Variants in PSD4 observed in about 807,000 individuals in gnomAD.
PSD4 encodes the protein pleckstrin and Sec7 domain containing 4, also known as PH and SEC7 domain-containing protein 4.
A neutral mutation model predicts 112.5 loss-of-function variants in PSD4; 59 were observed. That is an observed-to-expected ratio of 0.52 (90% confidence interval 0.43 to 0.65). The LOEUF (loss-of-function observed/expected upper bound fraction) is 0.65, where lower values mean the gene tolerates loss of function less well. Among genes scored for constraint, PSD4 ranks in the 30% least tolerant of loss-of-function variants. The pLI, the probability that PSD4 is intolerant of heterozygous loss-of-function variation, is 0.00. For missense variants in PSD4, 1,267 were observed against 1,352.6 expected (o/e 0.94, Z 0.99); for synonymous variants, 533 against 540.0 (o/e 0.99, Z 0.18).
At chr2:113,178,323 C>CAGTT (rs946863346) in intron 1 of PSD4, among the ~76,000 whole-genome samples, 5 of 152,204 alleles carry the variant, frequency 3.3e-5, no homozygotes, top group Middle Eastern at 3.4e-3. Context: ...CTCCACTGAC[C>CAGTT]AGTTCCTCAC....
In PSD4 at chr2:113,192,631, G is replaced by A. The variant is rs745964569; in HGVS notation, c.1838+42G>A. ...CTGGGGAAGGCTGGAGGCTGAGGCAGCCAGGGAGGAGCTGCTGAAGGGCTC... is the reference window on the plus strand; with the variant it reads ...CTGGGGAAGGCTGGAGGCTGAGGCAACCAGGGAGGAGCTGCTGAAGGGCTC... On this transcript the variant is annotated intron_variant, in intron 6 of 16. Transcript: ENST00000245796. 1.1e-5 allele frequency: 18 copies of A among 1,598,844 alleles called. No homozygotes were observed. The Admixed American group carries it at 3.0e-4, about 27-fold the overall frequency.
rs45585637 is a variant in PSD4 at position 113,181,818 on chromosome 2, G to A, written c.-111-528G>A. Among the ~76,000 whole-genome samples, 473 of 152,294 alleles carry A rather than the reference G, an allele frequency of 3.1e-3. 5 individuals are homozygous for A. The highest frequency in any genetic ancestry group is 0.011 in the African/African-American group (450 of 41,572). On this transcript the variant is annotated intron_variant, in intron 1 of 16. Coordinates refer to ENST00000245796, the MANE Select transcript of PSD4 (RefSeq NM_012455.3). ...TGAACAGGGTAAGGCCCCAAGGATA[G>A]GAGCCTTGGAAAGTGGAAGTAAGGC... is the stretch of plus-strand genomic sequence containing the variant.
intron 1 of PSD4, among the ~76,000 whole-genome samples, chr2:113,176,106 C>T (rs928834218): frequency 6.6e-6 from 1 of 152,210 alleles, no homozygotes; most frequent in African/African-American, 2.4e-5. Context: ...CCAAGGCCAT[C>T]ACCTTCCTAC....
chr2:113,175,817 G>A (rs1158284253), intron 1 of PSD4, among the ~76,000 whole-genome samples: 2 of 152,102 alleles, frequency 1.3e-5, no homozygotes, highest in Admixed American at 1.3e-4. Context: ...TTCTCTAAAT[G>A]GACAGCAAAA....
At chr2:113,199,441 A>C (rs1688714784) in intron 16 of PSD4, among the ~76,000 whole-genome samples, 1 of 152,260 alleles carries the variant, frequency 6.6e-6, no homozygotes, top group Non-Finnish European at 1.5e-5. Context: ...GTGTGTCCCC[A>C]CGCACTTAGG....
At chr2:113,199,978 A>G (rs1573380350) in intron 16 of PSD4, among the ~76,000 whole-genome samples, 2 of 152,224 alleles carry the variant, frequency 1.3e-5, no homozygotes, top group Admixed American at 1.3e-4. Context: ...GGTGTGAGCC[A>G]CCACACCTGG....
intron 3 of PSD4, 58 bp downstream of exon 3, chr2:113,185,131 G>T (rs930746226): frequency 1.2e-6 from 2 of 1,611,176 alleles, no homozygotes; most frequent in African/African-American, 2.7e-5. Context: ...AGGAATATGA[G>T]CCCATTCATT....
In PSD4 at chr2:113,185,876, G is replaced by C; in HGVS notation, c.1250-1G>C. The stretch of plus-strand genomic sequence containing the variant: ...CCGCCTCACTTCATGTTCTTCCTCA[G>C]ATGAGAGGGAGGGTGGACACCCCCA... On this transcript the variant is annotated splice_acceptor_variant, in intron 4 of 16. Transcript: ENST00000245796. LOFTEE classifies it high-confidence loss of function. The C allele has an allele frequency of 6.2e-7, 1 of 1,609,164 alleles. No individual in the cohort carries two copies. Among genetic ancestry groups the C allele is most frequent in the Admixed American group, 1.7e-5 (1 of 58,934 alleles).
intron 1 of PSD4, among the ~76,000 whole-genome samples, chr2:113,181,329 A>G (rs1406183562): frequency 6.6e-6 from 1 of 152,146 alleles, no homozygotes; most frequent in Non-Finnish European, 1.5e-5. Context: ...AGCCAGCACC[A>G]TGAGACAAAC....
In PSD4 at chr2:113,202,625, G is replaced by T. The variant is rs1420107995; in HGVS notation, c.*1210G>T. On this transcript the variant is annotated 3_prime_UTR_variant, in exon 17 of 17. Transcript: ENST00000245796. The stretch of plus-strand genomic sequence containing the variant: ...GACTTGGGGCTCTGCCTGTAGGAAG[G>T]AGGCTGGGCCGGAGGGACCAGCCAC... 2.6e-5 allele frequency: 4 copies of T among 152,310 alleles called. No homozygotes were observed. The highest frequency in any genetic ancestry group is 9.7e-5 in the African/African-American group (4 of 41,446). 9.4% of individuals were successfully genotyped at this position (152,310 alleles called of 1,614,324 possible).
intron 5 of PSD4, among the ~76,000 whole-genome samples, chr2:113,189,271 C>CATAT (rs58737733): frequency 6.7e-6 from 1 of 149,428 alleles, no homozygotes; most frequent in African/African-American, 2.5e-5. Context: ...AGTATTGAAT[C>CATAT]ATATATATAT....
At position 113,209,205 on chromosome 2, in the gene PSD4, C is replaced by T. The variant is rs1210237187; in HGVS notation, c.*7790C>T. The T allele has an allele frequency of 6.6e-6, 1 of 152,196 alleles. No individual in the cohort carries two copies. The highest frequency in any genetic ancestry group is 1.5e-5 in the Non-Finnish European group (1 of 68,032). 9.4% of individuals were successfully genotyped at this position (152,196 alleles called of 1,614,324 possible). On this transcript the variant is annotated 3_prime_UTR_variant, in exon 17 of 17. Transcript: ENST00000245796. ...ACCACTAAGAGACTGAAGGCCAATT[C>T]CGGATCAACTTTACAGCCGCCTACG... is the stretch of plus-strand genomic sequence containing the variant.
rs762531682 is a variant in PSD4 at position 113,196,154 on chromosome 2, G to A, written c.2233G>A (p.Glu745Lys). The change falls in exon 12 of 17, where the codon GAA (glutamate) becomes AAA (lysine). Residue 745 changes from glutamate (E) to lysine (K), a missense_variant. Glu to Lys is a moderately conservative substitution (Grantham distance 56). Around this residue, in one of 2 missense-constraint regions of PSD4, gnomAD observed 544 missense variants for 648.6 expected, o/e 0.84. Coordinates refer to ENST00000245796, the MANE Select transcript of PSD4 (RefSeq NM_012455.3). The stretch of plus-strand genomic sequence containing the variant: ...CGATTCTCTGATGTTCAGGGATGAA[G>A]AAGACACAGCCAGACCTGAGAAGGC... ...SEKLEWAVDE[E>K]DTARPEKAQP... is the part of the protein sequence containing the mutation. The A allele has an allele frequency of 2.6e-5, 42 of 1,610,240 alleles. No homozygotes were observed. In the Admixed American group the frequency reaches 4.3e-4, roughly 17 times the overall value.
Position 113,186,225 on chromosome 2 carries a change from A to G in PSD4, c.1598A>G (p.Gln533Arg), listed in dbSNP as rs1378696354. The G allele has an allele frequency of 6.2e-7, 1 of 1,600,814 alleles. No homozygotes were observed. The highest frequency in any genetic ancestry group is 1.7e-5 in the Admixed American group (1 of 58,860). Residue 533 changes from glutamine (Q) to arginine (R), a missense_variant, in exon 5 of 17, where the codon CAG becomes CGG. Physicochemically the swap from Gln to Arg is conservative, Grantham distance 43. This residue lies in a region of PSD4 where 723 missense variants were observed against 704.0 expected (regional missense o/e 1.03). Coordinates refer to ENST00000245796, the MANE Select transcript of PSD4 (RefSeq NM_012455.3). Reference sequence around the variant, plus strand: ...AGGCCTGCAGAGACTGGAGACGTCCAGCCTGACATTCACCTGACTTCTGCA... The same window carrying G: ...AGGCCTGCAGAGACTGGAGACGTCCGGCCTGACATTCACCTGACTTCTGCA... ...TARPAETGDV[Q>R]PDIHLTSAEH...
In PSD4 at chr2:113,201,465, G is replaced by A; in HGVS notation, c.*50G>A. 6.3e-7 allele frequency: 1 copy of A among 1,599,274 alleles called. No homozygotes were observed. Among genetic ancestry groups the A allele is most frequent in the Middle Eastern group, 1.7e-4 (1 of 6,030 alleles). On this transcript the variant is annotated 3_prime_UTR_variant, in exon 17 of 17. Transcript: ENST00000245796. ...GTTCCCTGCTCCAGGGTAGACCTGA[G>A]ATGAACCTCCCTGGAGGAGACTTAT...
At chr2:113,195,899 G>A in intron 11 of PSD4, 129 bp downstream of exon 11, 2 of 1,330,684 alleles carry the variant, frequency 1.5e-6, no homozygotes, top group Non-Finnish European at 2.1e-6. Context: ...GGCAAAGCCA[G>A]AGGCAGGGCT....
intron 5 of PSD4, among the ~76,000 whole-genome samples, chr2:113,190,834 CTT>C (rs1270918885): frequency 2.0e-5 from 3 of 152,326 alleles, no homozygotes; most frequent in African/African-American, 7.2e-5. Context: ...AGCCAGAAAA[CTT>C]GTGCTGGGAA....
rs775879526 is a variant in PSD4 at position 113,186,012 on chromosome 2, C to T, written c.1385C>T (p.Pro462Leu). 6.2e-7 allele frequency: 1 copy of T among 1,614,222 alleles called. No individual in the cohort carries two copies. The highest frequency in any genetic ancestry group is 1.1e-5 in the South Asian group (1 of 91,090). The change falls in exon 5 of 17, where the codon CCT (proline) becomes CTT (leucine). Residue 462 changes from proline (P) to leucine (L), a missense_variant. Coordinates refer to ENST00000245796, the MANE Select transcript of PSD4 (RefSeq NM_012455.3). ...AGAGGCCCTGGTCCCAGGCCCAGCC[C>T]TGCATCGTCCCAGGAGGGCAGCCCG... ...ESRGPGPRPS[P>L]ASSQEGSPQL...
Position 113,192,533 on chromosome 2 carries a change from C to A in PSD4, c.1782C>A (p.Arg594=). Residue 594 remains arginine (R), a synonymous_variant, in exon 6 of 17, where the codon CGC becomes CGA. Coordinates refer to ENST00000245796, the MANE Select transcript of PSD4 (RefSeq NM_012455.3). ...AGGTAGCCTGGAACTTGGCCTCACG[C>A]CTCTATCGCCTGGAGGGCTTCCGGA... is the stretch of plus-strand genomic sequence containing the variant. ...NNKVAWNLAS[R]LYRLEGFRKS... is the part of the protein sequence containing the mutation. The A allele has an allele frequency of 6.2e-7, 1 of 1,614,236 alleles. No individual in the cohort carries two copies. The highest frequency in any genetic ancestry group is 8.5e-7 in the Non-Finnish European group (1 of 1,180,036).
Sources: allele counts gnomAD v4.1 joint callset (sites outside exome capture counted in the v4.1 genomes callset), GRCh38; gene constraint gnomAD v4.1.1; regional missense constraint gnomAD v4.1.1; transcripts MANE v1.5; gene names NCBI Gene and HGNC (gene_info 2026-07-23, HGNC 2026-07-21).